SH3TC2: variants seen among roughly 807,000 people sequenced by gnomAD.
SH3TC2 encodes the protein SH3 domain and tetratricopeptide repeat-containing protein 2.
In SH3TC2, 87 loss-of-function variants were observed where a neutral mutation model predicts 124.5. The observed-to-expected ratio is 0.70, with a 90% CI of 0.59 to 0.84. SH3TC2 has a LOEUF of 0.84. SH3TC2 is among the 40% of genes least tolerant of loss of function. The pLI, the probability that SH3TC2 is intolerant of heterozygous loss-of-function variation, is 0.00. For missense variants in SH3TC2, 1,536 were observed against 1,566.4 expected, an observed-to-expected ratio of 0.98 and a Z score of 0.33; for synonymous variants, 634 against 628.5, an observed-to-expected ratio of 1.01 and a Z score of -0.13.
chr5:149,012,550 C>A (rs1486959068), intron 13 of SH3TC2, 34 bp downstream of exon 13: 1 of 1,613,884 alleles, frequency 6.2e-7, no homozygotes, highest in Admixed American at 1.7e-5. Flanking sequence ...TGATCCAAGT[C>A]AACAACTCCC....
intron 2 of SH3TC2, among the ~76,000 whole-genome samples, chr5:149,049,337 G>C (rs1183928653): frequency 6.6e-6 from 1 of 152,222 alleles, no homozygotes; most frequent in East Asian, 1.9e-4. Context: ...CCAGGGAGGG[G>C]TCACGCAGTC....
chr5:149,029,474 G>T (rs868235571), intron 9 of SH3TC2, among the ~76,000 whole-genome samples: 1 of 152,120 alleles, frequency 6.6e-6, no homozygotes, highest in Non-Finnish European at 1.5e-5. Context: ...ACAGGTTTGT[G>T]ACCCAAAGCA....
At chr5:149,022,239 TAGACA>T in intron 12 of SH3TC2, among the ~76,000 whole-genome samples, 1 of 152,208 alleles carries the variant, frequency 6.6e-6, no homozygotes, top group South Asian at 2.1e-4. Context: ...GACACGTGAA[TAGACA>T]TTTCTCCAAA....
chr5:149,042,433 G>A (rs953383871), intron 5 of SH3TC2, among the ~76,000 whole-genome samples: 2 of 152,192 alleles, frequency 1.3e-5, no homozygotes, highest in African/African-American at 4.8e-5. Flanking sequence ...ATGGGCCTAA[G>A]TGGAGCCCTG....
In SH3TC2 at chr5:149,007,097, G is replaced by A. The variant is rs376784930; in HGVS notation, c.3479-20C>T. 92 of 1,612,122 alleles carry A rather than the reference G, an allele frequency of 5.7e-5. No homozygotes were observed. Among genetic ancestry groups the A allele is most frequent in the Non-Finnish European group, 7.5e-5 (88 of 1,178,298 alleles). Reference sequence around the variant, plus strand: ...GATCTCCTAAGAATTGGAAGACTGAGAGAGATATCCTGCAACCAACACTTT... The same window carrying A: ...GATCTCCTAAGAATTGGAAGACTGAAAGAGATATCCTGCAACCAACACTTT... On this transcript the variant is annotated intron_variant, in intron 15 of 16. Coordinates refer to ENST00000515425, the MANE Select transcript of SH3TC2 (RefSeq NM_024577.4).
At chr5:149,044,703 T>A in intron 3 of SH3TC2, 65 bp from the exon 4 acceptor site, 1 of 1,181,454 alleles carries the variant, frequency 8.5e-7, no homozygotes, top group Non-Finnish European at 1.3e-6. Flanking sequence ...AGCTCTTATA[T>A]AGACCAAATA....
Position 149,010,325 on chromosome 5 carries a change from C to A in SH3TC2, c.3272G>T (p.Gly1091Val), listed in dbSNP as rs761592620. Residue 1091 changes from glycine to valine, a missense_variant, in exon 14 of 17, where the codon GGT becomes GTT. Physicochemically the swap from Gly to Val is moderately radical, Grantham distance 109. Coordinates refer to ENST00000515425, the MANE Select transcript of SH3TC2 (RefSeq NM_024577.4). ...GCGGGTCCCATTGAAGAACACATCA[C>A]CTGCTTCTTCATAAAGTTTGAGAGC... ...LLALKLYEEA[G>V]DVFFNGTRHR... is the part of the protein sequence containing the mutation. The A allele has an allele frequency of 1.2e-6, 2 of 1,614,088 alleles. No homozygotes were observed. Among genetic ancestry groups the A allele is most frequent in the East Asian group, 4.5e-5 (2 of 44,886 alleles).
At chr5:149,025,867 G>A (rs558443277) in intron 12 of SH3TC2, 2 of 152,300 alleles carry the variant, frequency 1.3e-5, no homozygotes, top group Admixed American at 1.3e-4. Flanking sequence ...ATGCTCCATT[G>A]TGCTGTTACA....
At position 149,026,020 on chromosome 5, in the gene SH3TC2, T is replaced by G. The variant is rs114434804; in HGVS notation, c.3053+552A>C. On this transcript the variant is annotated intron_variant, in intron 12 of 16. Transcript: ENST00000515425. ...CACACTTCATTTCATAATCTACAATTTCATTTTAAAGGTAAGTTCCCGATA... is the reference window on the plus strand; with the variant it reads ...CACACTTCATTTCATAATCTACAATGTCATTTTAAAGGTAAGTTCCCGATA... The G allele has an allele frequency of 7.2e-3, 1,117 of 154,518 alleles. 5 individuals carry two copies. Among genetic ancestry groups the G allele is most frequent in the Non-Finnish European group, 0.01 (706 of 69,506 alleles). The allele number at this position is 154,518 out of a possible 1,614,324, so 9.6% of individuals were successfully genotyped here.
chr5:149,026,913 A>G lies in SH3TC2; in HGVS notation c.2819T>C (p.Leu940Pro), dbSNP rs1191743174. Residue 940 changes from leucine to proline, a missense_variant, in exon 11 of 17, where the codon CTT (leucine) becomes CCT (proline). Leu to Pro is a moderately conservative substitution (Grantham distance 98, BLOSUM62 -3). Transcript: ENST00000515425. ...CAGCAATGCCATTTCATAACAAAGA[A>G]GGCCATGGGTCAGCTGGTGTCCAGA... ...LVSGHQLTHG[L>P]LCYEMALLFG... is the part of the protein sequence containing the mutation. The G allele has an allele frequency of 6.2e-7, 1 of 1,614,214 alleles. No individual in the cohort carries two copies. Among genetic ancestry groups the G allele is most frequent in the Non-Finnish European group, 8.5e-7 (1 of 1,180,042 alleles).
chr5:149,052,373 T>A, intron 1 of SH3TC2, 133 bp from the exon 2 acceptor site: 1 of 703,206 alleles, frequency 1.4e-6, no homozygotes, highest in African/African-American at 1.8e-5. Context: ...CTAATTGTTA[T>A]CACCATTGCC....
intron 9 of SH3TC2, among the ~76,000 whole-genome samples, chr5:149,030,874 A>G (rs1282680327): frequency 6.6e-6 from 1 of 152,236 alleles, no homozygotes; most frequent in Non-Finnish European, 1.5e-5. Flanking sequence ...GTACTCCCTG[A>G]CACACAACAG....
chr5:149,016,849 C>T (rs1753882244), intron 12 of SH3TC2, among the ~76,000 whole-genome samples: 1 of 149,518 alleles, frequency 6.7e-6, no homozygotes, highest in Admixed American at 6.8e-5. Flanking sequence ...GGCATGAACC[C>T]AGGAGGCGGA....
At chr5:149,059,957 T>C (rs1021294352) in intron 1 of SH3TC2, among the ~76,000 whole-genome samples, 1 of 152,244 alleles carries the variant, frequency 6.6e-6, no homozygotes, top group Admixed American at 6.5e-5. Context: ...ACTATTCTAA[T>C]ATCCTCTATT....
At chr5:149,029,581 G>A (rs528206517) in intron 9 of SH3TC2, among the ~76,000 whole-genome samples, 1 of 152,166 alleles carries the variant, frequency 6.6e-6, no homozygotes, top group South Asian at 2.1e-4. Flanking sequence ...GAGGGAGTGA[G>A]GGAGTAGGGG....
rs142027644 is a variant in SH3TC2, at chr5:148,988,430, C to G, written c.*16281G>C. 1.7e-4 allele frequency among the ~76,000 whole-genome samples: 26 copies of G among 152,292 alleles called. No homozygotes were observed. In the East Asian group the frequency reaches 3.9e-3, roughly 23 times the overall value. The stretch of plus-strand genomic sequence containing the variant: ...CCAATAAAATATAGCAGATGTGACA[C>G]TGTGTGACTTCTGAGGCCAGGTCAT... On this transcript the variant is annotated 3_prime_UTR_variant, in exon 17 of 17. Coordinates refer to ENST00000515425, the MANE Select transcript of SH3TC2 (RefSeq NM_024577.4).
chr5:148,986,678 T>C lies in SH3TC2; in HGVS notation c.*18033A>G, dbSNP rs901686559. Among the ~76,000 whole-genome samples, 1 of 152,164 alleles carries C rather than the reference T, an allele frequency of 6.6e-6. No individual in the cohort carries two copies. Among genetic ancestry groups the C allele is most frequent in the African/African-American group, 2.4e-5 (1 of 41,428 alleles). On this transcript the variant is annotated 3_prime_UTR_variant, in exon 17 of 17. Transcript: ENST00000515425. ...CATGACAGATACCTTTTTTGACAAA[T>C]TATTAAGCCACTTGTTAGGGTGACT...
chr5:149,006,470 AT>A (rs1478262071), intron 16 of SH3TC2, among the ~76,000 whole-genome samples: 1 of 152,194 alleles, frequency 6.6e-6, no homozygotes, highest in Non-Finnish European at 1.5e-5. Context: ...GGTCTGTAAC[AT>A]TTTATGGACA....
rs1580878226 is a variant in SH3TC2 at position 148,991,613 on chromosome 5, C to T, written c.*13098G>A. ...AACATCAAGTAGTCTCCAGACATTG[C>T]AGCTGGGTGGTTGAAATGCTTGCTC... On this transcript the variant is annotated 3_prime_UTR_variant, in exon 17 of 17. Coordinates refer to ENST00000515425, the MANE Select transcript of SH3TC2 (RefSeq NM_024577.4). 6.6e-6 allele frequency among the ~76,000 whole-genome samples: 1 copy of T among 152,170 alleles called. No individual in the cohort carries two copies.
Sources: allele counts gnomAD v4.1 joint callset (sites outside exome capture counted in the v4.1 genomes callset), GRCh38; gene constraint gnomAD v4.1.1; transcripts MANE v1.5; gene names NCBI Gene and HGNC (gene_info 2026-07-23, HGNC 2026-07-21).